Variants in C11orf65 observed in about 807,000 individuals in gnomAD.
The protein encoded by C11orf65 is chromosome 11 open reading frame 65.
Under a neutral mutation model 35.3 loss-of-function variants are expected in C11orf65, and 38 were observed. The ratio of observed to expected loss-of-function variants is 1.08; its 90% CI spans 0.83 to 1.41. The LOEUF is 1.41. Among genes scored for constraint, C11orf65 ranks in the 40% most tolerant of loss-of-function variants. The pLI, the probability that C11orf65 is intolerant of heterozygous loss-of-function variation, is 0.00. For missense variants in C11orf65, 370 were observed against 367.1 expected (o/e 1.01, Z -0.06); for synonymous variants, 105 against 114.4 (o/e 0.92, Z 0.53).
intron 7 of C11orf65, among the ~76,000 whole-genome samples, chr11:108,386,923 T>C (rs2092016093): frequency 6.6e-6 from 1 of 151,574 alleles, no homozygotes; most frequent in Non-Finnish European, 1.5e-5. Context: ...CTACTAAAAA[T>C]ACAAAAAATT....
chr11:108,322,740 A>G (rs2085326550), intron 6 of C11orf65, among the ~76,000 whole-genome samples: 1 of 152,186 alleles, frequency 6.6e-6, no homozygotes, highest in African/African-American at 2.4e-5. Flanking sequence ...TAAAAAATTC[A>G]GCTTAAAAGT....
downstream of C11orf65, chr11:108,329,061 A>G: frequency 6.2e-7 from 1 of 1,614,136 alleles, no homozygotes; most frequent in South Asian, 1.1e-5. Context: ...GAAAGTAGTG[A>G]TGAGCTAAGA....
chr11:108,444,061 A>G (rs540443353), intron 2 of C11orf65, among the ~76,000 whole-genome samples: 2 of 152,320 alleles, frequency 1.3e-5, no homozygotes, highest in Admixed American at 1.3e-4. Flanking sequence ...AACAAAATTG[A>G]TAGACCACTA....
chr11:108,368,299 A>G, intron 2 of C11orf65: 1 of 213,304 alleles, frequency 4.7e-6, no homozygotes, highest in Non-Finnish European at 9.5e-6. Context: ...AAAAAAAAAA[A>G]AAAAAAGGTT....
chr11:108,387,808 G>A (rs1268340332), intron 7 of C11orf65, among the ~76,000 whole-genome samples: 1 of 152,176 alleles, frequency 6.6e-6, no homozygotes, highest in Admixed American at 6.5e-5. Context: ...GATTATAGGC[G>A]TGAGCCACTG....
intron 2 of C11orf65, among the ~76,000 whole-genome samples, chr11:108,443,907 G>C (rs1240013064): frequency 1.5e-4 from 23 of 151,956 alleles, no homozygotes; most frequent in African/African-American, 2.2e-4. Flanking sequence ...ACAATTAAAA[G>C]AACTAGAGAA....
chr11:108,364,321 T>C (rs547317722), intron 2 of C11orf65, among the ~76,000 whole-genome samples: 1 of 152,338 alleles, frequency 6.6e-6, no homozygotes, highest in Non-Finnish European at 1.5e-5. Context: ...AGCCTATTTT[T>C]TTTAAAGTTC....
intron 2 of C11orf65, among the ~76,000 whole-genome samples, chr11:108,449,499 G>T (rs943850108): frequency 6.6e-6 from 1 of 151,948 alleles, no homozygotes; most frequent in African/African-American, 2.4e-5. Context: ...ACAACCATCT[G>T]CTCTTTGACA....
At chr11:108,466,149 A>T (rs1229238343) in intron 1 of C11orf65, among the ~76,000 whole-genome samples, 3 of 152,244 alleles carry the variant, frequency 2.0e-5, no homozygotes, top group African/African-American at 7.2e-5. Context: ...AGAGGACACC[A>T]TCTGGAGCAG....
chr11:108,427,992 G>T (rs865912044), intron 3 of C11orf65, among the ~76,000 whole-genome samples: 32 of 88,410 alleles, frequency 3.6e-4, no homozygotes, highest in African/African-American at 1.4e-3. Flanking sequence ...CACTACGACC[G>T]GCTAATTTTT....
chr11:108,393,393 G>C lies in C11orf65; in HGVS notation c.561-15C>G. The C allele has an allele frequency of 6.2e-7, 1 of 1,606,316 alleles. No individual in the cohort carries two copies. The highest frequency in any genetic ancestry group is 8.5e-7 in the Non-Finnish European group (1 of 1,173,694). ...CTGAGTAGTACCTAAATAGGCAAAA[G>C]GGAAAGAGAAGTAAATCTTTTGAAA... On this transcript the variant is annotated splice_polypyrimidine_tract_variant and intron_variant, in intron 6 of 8. Transcript: ENST00000393084.
At chr11:108,328,081 C>A (rs578227719), downstream of C11orf65, among the ~76,000 whole-genome samples, 5 of 152,278 alleles carry the variant, frequency 3.3e-5, no homozygotes, top group South Asian at 1.0e-3. Context: ...ATAGGCAAGT[C>A]AGCCCTTGCT....
At chr11:108,387,153 T>C (rs941214041) in intron 7 of C11orf65, among the ~76,000 whole-genome samples, 2 of 130,042 alleles carry the variant, frequency 1.5e-5, no homozygotes, top group East Asian at 2.1e-4. Flanking sequence ...TCTTTCTTTT[T>C]TTTTTTTTTT....
At chr11:108,386,027 A>T in intron 7 of C11orf65, 52 bp from the exon 8 acceptor site, 1 of 1,401,404 alleles carries the variant, frequency 7.1e-7, no homozygotes. Flanking sequence ...ATTAGTACAT[A>T]CTTAGACTAC....
chr11:108,364,426 A>G (rs2091121247), intron 2 of C11orf65, among the ~76,000 whole-genome samples: 1 of 152,164 alleles, frequency 6.6e-6, no homozygotes. Context: ...ACCTAAAGCT[A>G]CTTGCTCTAG....
At chr11:108,352,927 C>CT (rs2089388418) in intron 2 of C11orf65, among the ~76,000 whole-genome samples, 4 of 152,014 alleles carry the variant, frequency 2.6e-5, no homozygotes, top group Admixed American at 2.6e-4. Context: ...GGTCAGAGGG[C>CT]TGGGTGATAG....
intron 6 of C11orf65, among the ~76,000 whole-genome samples, chr11:108,310,559 A>G (rs1412557134): frequency 6.6e-6 from 1 of 152,172 alleles, no homozygotes; most frequent in Non-Finnish European, 1.5e-5. Context: ...TTCCTATAGG[A>G]CAGAGTCCAT....
intron 7 of C11orf65, 25 bp downstream of exon 7, chr11:108,393,183 C>A: frequency 6.3e-7 from 1 of 1,590,354 alleles, no homozygotes; most frequent in Non-Finnish European, 8.6e-7. Context: ...GCCCTTGTTC[C>A]CCAAGAATAG....
intron 2 of C11orf65, among the ~76,000 whole-genome samples, chr11:108,357,365 G>A (rs958227795): frequency 1.3e-5 from 2 of 152,360 alleles, no homozygotes; most frequent in Admixed American, 6.5e-5. Context: ...GCGAGGCTGG[G>A]GGAGGGGCGC....
Sources: gnomAD v4.1 joint callset for allele counts (sites outside exome capture counted in the v4.1 genomes callset) on GRCh38, gnomAD v4.1.1 for gene constraint, MANE v1.5 for transcripts, NCBI Gene and HGNC (gene_info 2026-07-23, HGNC 2026-07-21) for gene names.